The following PRKN variants were observed in gnomAD, a reference collection of about 807,000 sequenced individuals.
The protein encoded by PRKN is E3 ubiquitin-protein ligase parkin.
In PRKN, 56 loss-of-function variants were observed where a neutral mutation model predicts 59.5. The observed-to-expected ratio is 0.94, with a 90% CI of 0.76 to 1.18. PRKN has a LOEUF of 1.18. Among genes scored for constraint, PRKN ranks in the 50% most tolerant of loss-of-function variants. PRKN has a pLI of 0.00. For missense variants in PRKN, 657 were observed against 596.4 expected (o/e 1.10, Z -1.06); for synonymous variants, 250 against 222.1 (o/e 1.13, Z -1.12).
Position 161,616,710 on chromosome 6 carries a change from C to G in PRKN, c.872-47294G>C, listed in dbSNP as rs150094616. Among the ~76,000 whole-genome samples the G allele has an allele frequency of 5.4e-3, 825 of 152,212 alleles. 16 individuals carry two copies. Among genetic ancestry groups the G allele is most frequent in the African/African-American group, 0.018 (763 of 41,532 alleles). On this transcript the variant is annotated intron_variant, in intron 7 of 11. Transcript: ENST00000366898. The stretch of plus-strand genomic sequence containing the variant: ...GTTTGCTGAGAGTGATGGTTTCCAG[C>G]TTCATCCATGTCCCTGCAAAGGACA...
intron 7 of PRKN, among the ~76,000 whole-genome samples, chr6:161,679,670 A>AT (rs1420580705): frequency 1.1e-5 from 1 of 88,596 alleles, no homozygotes; most frequent in Non-Finnish European, 2.4e-5. Flanking sequence ...TTTATAATAG[A>AT]ACCACCCCCC....
At chr6:162,148,289 ATC>A (rs1782114612) in intron 4 of PRKN, among the ~76,000 whole-genome samples, 1 of 152,130 alleles carries the variant, frequency 6.6e-6, no homozygotes, top group Non-Finnish European at 1.5e-5. Context: ...AAACAGAGTT[ATC>A]TGATGAGTTT....
At chr6:162,149,868 G>A (rs1410063186) in intron 4 of PRKN, among the ~76,000 whole-genome samples, 1 of 152,152 alleles carries the variant, frequency 6.6e-6, no homozygotes, top group African/African-American at 2.4e-5. Context: ...GCAAGAACAG[G>A]GGGCCAGGAT....
In PRKN at chr6:161,483,039, TTTTAAG is replaced by T. The variant is rs1436020054; in HGVS notation, c.1083+65809_1083+65814del. Among the ~76,000 whole-genome samples the T allele has an allele frequency of 2.0e-5, 3 of 152,248 alleles. No individual in the cohort carries two copies. The East Asian group carries it at 5.8e-4, about 29-fold the overall frequency. ...AATTCTTCCTTCTCCCTCGGCTTCT[TTTTAAG>T]TTTGAGAGTGAATTTGGTTTTGTAA... is the stretch of plus-strand genomic sequence containing the variant. On this transcript the variant is annotated intron_variant, in intron 9 of 11. Transcript: ENST00000366898. This position sits in a 1 kb window ranked among gnomAD's most constrained non-coding sequence, Gnocchi z 5.0.
intron 4 of PRKN, among the ~76,000 whole-genome samples, chr6:162,161,975 C>A (rs1475382966): frequency 6.6e-6 from 1 of 152,122 alleles, no homozygotes; most frequent in African/African-American, 2.4e-5. Flanking sequence ...ACAGTTTGTG[C>A]TCTGTATCCA....
chr6:161,437,378 C>T (rs767120612), intron 9 of PRKN, among the ~76,000 whole-genome samples: 7 of 152,156 alleles, frequency 4.6e-5, no homozygotes, highest in Non-Finnish European at 8.8e-5. Flanking sequence ...GAGATTTCAT[C>T]GCACAACTCA....
At chr6:161,574,700 A>G (rs1781065126) in intron 7 of PRKN, among the ~76,000 whole-genome samples, 2 of 152,190 alleles carry the variant, frequency 1.3e-5, no homozygotes, top group Non-Finnish European at 2.9e-5. Context: ...CTCTGAGACT[A>G]TAATAGAAGT....
intron 7 of PRKN, among the ~76,000 whole-genome samples, chr6:161,763,668 A>C (rs1310675184): frequency 6.6e-6 from 1 of 151,996 alleles, no homozygotes; most frequent in Non-Finnish European, 1.5e-5. Context: ...TCAACAGCAC[A>C]CTCACCAGCC....
At chr6:161,943,461 T>C (rs1456835252) in intron 6 of PRKN, among the ~76,000 whole-genome samples, 1 of 152,242 alleles carries the variant, frequency 6.6e-6, no homozygotes, top group Non-Finnish European at 1.5e-5. Flanking sequence ...AATATGTGGA[T>C]AGTATGTATA....
chr6:161,629,620 C>A (rs1330490569), intron 7 of PRKN, among the ~76,000 whole-genome samples: 1 of 152,170 alleles, frequency 6.6e-6, no homozygotes, highest in Non-Finnish European at 1.5e-5. Flanking sequence ...CCTTCCCAGG[C>A]TGGCCCTGAA....
rs964176073 is a variant in PRKN, at chr6:162,137,722, A to G, written c.534+63409T>C. 6.6e-5 allele frequency among the ~76,000 whole-genome samples: 10 copies of G among 152,168 alleles called. 1 individual carries two copies. The highest frequency in any genetic ancestry group is 5.9e-4 in the Admixed American group (9 of 15,272). ...AGGGGGCTGAACTTGCCCTTTCATAATGGGTCCACTCCTGAGATAACAAAC... is the reference window on the plus strand; with the variant it reads ...AGGGGGCTGAACTTGCCCTTTCATAGTGGGTCCACTCCTGAGATAACAAAC... On this transcript the variant is annotated intron_variant, in intron 4 of 11. Coordinates refer to ENST00000366898, the MANE Select transcript of PRKN (RefSeq NM_004562.3).
intron 1 of PRKN, among the ~76,000 whole-genome samples, chr6:162,499,861 G>C (rs990500228): frequency 6.6e-6 from 1 of 152,108 alleles, no homozygotes; most frequent in Non-Finnish European, 1.5e-5. Context: ...AATGTATGGA[G>C]TGTCAAATAT....
chr6:161,921,120 G>A (rs1778770487), intron 6 of PRKN, among the ~76,000 whole-genome samples: 1 of 152,060 alleles, frequency 6.6e-6, no homozygotes, highest in Non-Finnish European at 1.5e-5. Flanking sequence ...CTTTATATCT[G>A]TATTCTATAT....
chr6:162,301,481 C>T (rs140800497), intron 2 of PRKN, among the ~76,000 whole-genome samples: 7 of 152,216 alleles, frequency 4.6e-5, no homozygotes, highest in Non-Finnish European at 8.8e-5. Flanking sequence ...ACAACAGACA[C>T]TGATTTTCTC....
intron 2 of PRKN, among the ~76,000 whole-genome samples, chr6:162,440,602 T>C (rs950324685): frequency 1.3e-5 from 2 of 152,146 alleles, no homozygotes; most frequent in African/African-American, 4.8e-5. Flanking sequence ...CTAATATATA[T>C]GTTCATATCA....
At chr6:162,206,471 A>G (rs932280232) in intron 3 of PRKN, among the ~76,000 whole-genome samples, 5 of 152,082 alleles carry the variant, frequency 3.3e-5, no homozygotes, top group Non-Finnish European at 5.9e-5. Context: ...AAGCCTGGCT[A>G]TTGGTGGTTT....
intron 6 of PRKN, among the ~76,000 whole-genome samples, chr6:161,828,261 C>G (rs1234928807): frequency 2.0e-5 from 3 of 152,222 alleles, no homozygotes; most frequent in Admixed American, 1.3e-4. Context: ...TTACCAGTAA[C>G]TATTTAGCTT....
chr6:161,847,538 C>G (rs1793250319), intron 6 of PRKN, among the ~76,000 whole-genome samples: 6 of 151,610 alleles, frequency 4.0e-5, no homozygotes, highest in Admixed American at 3.9e-4. Flanking sequence ...TATTGTGCAG[C>G]AAACACTTGA....
chr6:162,108,786 T>G (rs75014784), intron 4 of PRKN, among the ~76,000 whole-genome samples: 3,156 of 152,234 alleles, frequency 0.021, 114 homozygotes, highest in African/African-American at 0.071. Context: ...TGAGTAGGAC[T>G]AGATAGATTT....
Sources: allele counts gnomAD v4.1 joint callset (sites outside exome capture counted in the v4.1 genomes callset), GRCh38; gene constraint gnomAD v4.1.1; non-coding constraint Gnocchi (gnomAD v3.1); transcripts MANE v1.5; gene names NCBI Gene and HGNC (gene_info 2026-07-23, HGNC 2026-07-21).